The following FBLN1 variants were observed in gnomAD, a reference collection of about 807,000 sequenced individuals.
FBLN1 encodes fibulin 1.
Under a neutral mutation model 89.7 loss-of-function variants are expected in FBLN1, and 34 were observed. That is an observed-to-expected ratio of 0.38 (90% CI 0.29 to 0.50). FBLN1 has a LOEUF of 0.50. FBLN1 is among the 20% of genes least tolerant of loss of function. FBLN1 has a pLI of 0.92. For missense variants in FBLN1, 777 were observed against 988.1 expected (o/e 0.79, Z 2.86); for synonymous variants, 393 against 391.3 (o/e 1.00, Z -0.05).
chr22:45,518,635 C>T (rs1248515028), intron 1 of FBLN1, 47 bp from the exon 2 acceptor site: 2 of 1,438,428 alleles, frequency 1.4e-6, no homozygotes, highest in African/African-American at 1.4e-5. Flanking sequence ...GGCCCTCCAC[C>T]CGCTGAGTGG....
chr22:45,551,901 C>T (rs1485831126), intron 14 of FBLN1, among the ~76,000 whole-genome samples: 1 of 152,222 alleles, frequency 6.6e-6, no homozygotes, highest in Non-Finnish European at 1.5e-5. Flanking sequence ...CGATTTCTAA[C>T]TTGCGCACAG....
chr22:45,526,423 C>T (rs1015200324), intron 3 of FBLN1, among the ~76,000 whole-genome samples: 10 of 152,222 alleles, frequency 6.6e-5, no homozygotes. Context: ...CCTCCCTTAC[C>T]ACCCAGCCAG....
At chr22:45,509,494 G>T (rs1328485904) in intron 1 of FBLN1, among the ~76,000 whole-genome samples, 1 of 152,166 alleles carries the variant, frequency 6.6e-6, no homozygotes, top group Non-Finnish European at 1.5e-5. Flanking sequence ...GCAGGCTCCA[G>T]TTCGCCCTGC....
intron 1 of FBLN1, among the ~76,000 whole-genome samples, chr22:45,516,924 C>CCCTA (rs1409995760): frequency 1.3e-5 from 2 of 152,210 alleles, no homozygotes; most frequent in Non-Finnish European, 2.9e-5. Flanking sequence ...CCTGGCTGAG[C>CCCTA]CCTAGCTCAT....
rs75741847 is a variant in FBLN1, at chr22:45,523,855, A to G, written c.186-1688A>G. On this transcript the variant is annotated intron_variant, in intron 2 of 16. Transcript: ENST00000327858. ...TGATTATTCTATTTTTAATTTTGGG[A>G]GGAACTGTGCTCCACGGCAGCTGCA... Among the ~76,000 whole-genome samples, 333 of 152,280 alleles carry G rather than the reference A, an allele frequency of 2.2e-3. 2 individuals carry two copies. The highest frequency in any genetic ancestry group is 7.7e-3 in the African/African-American group (320 of 41,560).
intron 16 of FBLN1, among the ~76,000 whole-genome samples, chr22:45,599,847 G>T (rs1222816590): frequency 6.6e-6 from 1 of 152,168 alleles, no homozygotes; most frequent in African/African-American, 2.4e-5. Flanking sequence ...AACCCGGGAG[G>T]TGGACGTTGC....
At chr22:45,542,391 C>A in intron 10 of FBLN1, 108 bp downstream of exon 10, 1 of 1,439,742 alleles carries the variant, frequency 6.9e-7, no homozygotes, top group South Asian at 1.2e-5. Flanking sequence ...TCAGATAATC[C>A]CAAGTGCAGG....
At chr22:45,528,704 T>G (rs1011072615) in intron 4 of FBLN1, among the ~76,000 whole-genome samples, 3 of 151,942 alleles carry the variant, frequency 2.0e-5, no homozygotes, top group Non-Finnish European at 4.4e-5. Context: ...TGACTAAATA[T>G]TTGAGTACCA....
At position 45,574,656 on chromosome 22, in the gene FBLN1, G is replaced by T. The variant is rs768136514; in HGVS notation, c.1840+3G>T. On this transcript the variant is annotated splice_donor_region_variant and intron_variant, in intron 15 of 16. Coordinates refer to ENST00000327858, the MANE Select transcript of FBLN1 (RefSeq NM_006486.3). This position sits in a 1 kb window ranked among gnomAD's most constrained non-coding sequence, Gnocchi z 4.1. ...CCGCGAGTTCACCCGCCCTGAAGGT[G>T]AGTGGGATGGGTGTGGGGGTCCCAG... 127 of 1,612,950 alleles carry T rather than the reference G, an allele frequency of 7.9e-5. No homozygotes were observed. The highest frequency in any genetic ancestry group is 1.7e-6 in the Non-Finnish European group (2 of 1,179,796).
chr22:45,539,183 C>T (rs1449723034), intron 8 of FBLN1, among the ~76,000 whole-genome samples: 2 of 135,380 alleles, frequency 1.5e-5, no homozygotes, highest in Non-Finnish European at 3.1e-5. Context: ...CCCCGCCTCC[C>T]CCTTTCCCTC....
intron 2 of FBLN1, chr22:45,523,183 G>A: frequency 1.3e-6 from 1 of 778,654 alleles, no homozygotes; most frequent in Non-Finnish European, 2.4e-6. Flanking sequence ...GGAACAGCCA[G>A]CGCAAGAGCC....
intron 1 of FBLN1, among the ~76,000 whole-genome samples, chr22:45,508,286 C>CT (rs1350335831): frequency 5.4e-5 from 7 of 129,128 alleles, no homozygotes; most frequent in African/African-American, 1.2e-4. Flanking sequence ...CCTCGCGTAT[C>CT]TTTTTTTTTG....
At chr22:45,591,016 G>T (rs1041362674) in intron 16 of FBLN1, among the ~76,000 whole-genome samples, 1 of 152,150 alleles carries the variant, frequency 6.6e-6, no homozygotes, top group African/African-American at 2.4e-5. Context: ...GAGGGGACAT[G>T]ATTTCTTATC....
rs1160313331 is a variant in FBLN1 at position 45,574,053 on chromosome 22, C to T, written c.1698-458C>T. On this transcript the variant is annotated intron_variant, in intron 14 of 16. Transcript: ENST00000327858. The surrounding 1 kb of genome is among the most constrained non-coding windows in gnomAD (Gnocchi z 4.1). The stretch of plus-strand genomic sequence containing the variant: ...GGGCACCGAGCTTGGCGCTTTCTAT[C>T]TGCTCCTTCGTTTATTACCCTGCTG... Among the ~76,000 whole-genome samples the T allele has an allele frequency of 6.6e-6, 1 of 152,196 alleles. No individual in the cohort carries two copies. The highest frequency in any genetic ancestry group is 1.9e-4 in the East Asian group (1 of 5,192).
chr22:45,521,431 G>C (rs1353551140), intron 2 of FBLN1, among the ~76,000 whole-genome samples: 1 of 152,182 alleles, frequency 6.6e-6, no homozygotes, highest in Non-Finnish European at 1.5e-5. Context: ...GGACACACAG[G>C]CCAGGGGCCA....
intron 16 of FBLN1, among the ~76,000 whole-genome samples, chr22:45,596,149 G>C (rs1299280090): frequency 6.6e-6 from 1 of 152,242 alleles, no homozygotes; most frequent in Non-Finnish European, 1.5e-5. Context: ...GATCACAGGC[G>C]TGAGCCACTA....
At position 45,547,219 on chromosome 22, in the gene FBLN1, G is replaced by T. The variant is rs1198200041; in HGVS notation, c.1441+15G>T. 4 of 1,613,048 alleles carry T rather than the reference G, an allele frequency of 2.5e-6. No homozygotes were observed. Among genetic ancestry groups the T allele is most frequent in the Admixed American group, 1.7e-5 (1 of 60,008 alleles). ...CACCTGTGAAGGTGCGGACGCCCCT[G>T]CCTGCTGAGGGGGAAAGCACCCCCT... On this transcript the variant is annotated intron_variant, in intron 12 of 16. Transcript: ENST00000327858.
rs763181719 is a variant in FBLN1 at position 45,518,857 on chromosome 22, C to T, written c.185+70C>T. The stretch of plus-strand genomic sequence containing the variant: ...TAGAGAAAAGTGGGGGAGGAAGGGA[C>T]AGTGTGTGCCAGACCTCTCGGGAGA... On this transcript the variant is annotated intron_variant, in intron 2 of 16. Transcript: ENST00000327858. 57 of 1,321,704 alleles carry T rather than the reference C, an allele frequency of 4.3e-5. No individual in the cohort carries two copies. In the South Asian group the frequency reaches 6.3e-4, roughly 15 times the overall value. The allele number at this position is 1,321,704 out of a possible 1,614,324, so 81.9% of individuals were successfully genotyped here.
intron 14 of FBLN1, among the ~76,000 whole-genome samples, chr22:45,560,107 T>A (rs769758465): frequency 3.3e-5 from 5 of 152,258 alleles, no homozygotes; most frequent in Admixed American, 6.5e-5. Flanking sequence ...ATGCCAGAGC[T>A]CTACACGAGA....
Sources: gnomAD v4.1 joint callset for allele counts (sites outside exome capture counted in the v4.1 genomes callset) on GRCh38, gnomAD v4.1.1 for gene constraint, Gnocchi (gnomAD v3.1) non-coding constraint, MANE v1.5 for transcripts, NCBI Gene and HGNC (gene_info 2026-07-23, HGNC 2026-07-21) for gene names.